Variants in SDHAF3 observed in about 807,000 individuals in gnomAD.
SDHAF3 encodes the protein succinate dehydrogenase complex assembly factor 3.
SDHAF3 carries 18 observed loss-of-function variants against 11.5 expected under a neutral mutation model. The observed-to-expected ratio is 1.56, with a 90% confidence interval of 1.08 to 2.32. The LOEUF is 2.32. Among genes scored for constraint, SDHAF3 ranks in the 30% most tolerant of loss-of-function variants. SDHAF3 has a pLI of 0.00. For synonymous variants in SDHAF3, 72 were observed against 59.3 expected (o/e 1.21, Z -0.99); for missense variants, 200 against 154.4 (o/e 1.30, Z -1.57).
At chr7:97,138,734 T>C (rs1423893672) in intron 1 of SDHAF3, among the ~76,000 whole-genome samples, 2 of 152,234 alleles carry the variant, frequency 1.3e-5, no homozygotes, top group African/African-American at 4.8e-5. Context: ...AGTTGTCCAG[T>C]GCCTTACACG....
intron 1 of SDHAF3, among the ~76,000 whole-genome samples, chr7:97,159,484 G>A (rs982792794): frequency 6.6e-6 from 1 of 152,116 alleles, no homozygotes; most frequent in African/African-American, 2.4e-5. Flanking sequence ...ACATATTTTT[G>A]TTGAAGTTTC....
intron 1 of SDHAF3, among the ~76,000 whole-genome samples, chr7:97,150,562 C>CTT (rs34184405): frequency 2.4e-4 from 25 of 104,736 alleles, no homozygotes; most frequent in African/African-American, 6.4e-4. Flanking sequence ...TCTTTTTTTC[C>CTT]TTTTTTTTTT....
intron 1 of SDHAF3, among the ~76,000 whole-genome samples, chr7:97,175,529 G>A (rs1359301576): frequency 6.6e-6 from 1 of 152,140 alleles, no homozygotes; most frequent in African/African-American, 2.4e-5. Flanking sequence ...AAACTAAGCA[G>A]TCCTCTTGCC....
At chr7:97,180,056 T>G (rs2115759631) in intron 1 of SDHAF3, among the ~76,000 whole-genome samples, 1 of 152,336 alleles carries the variant, frequency 6.6e-6, no homozygotes, top group South Asian at 2.1e-4. Context: ...TGAGTCTGTT[T>G]CAAAACAGTG....
intron 1 of SDHAF3, among the ~76,000 whole-genome samples, chr7:97,164,693 A>G (rs1371533675): frequency 6.6e-6 from 1 of 152,064 alleles, no homozygotes; most frequent in African/African-American, 2.4e-5. Flanking sequence ...GTTCTTTTAT[A>G]TAGCTATGAC....
rs1308356500 is a variant in SDHAF3 at position 97,153,851 on chromosome 7, C to CA, written c.175-27160dup. On this transcript the variant is annotated intron_variant, in intron 1 of 1. Transcript: ENST00000432641. ...ATCCTTGCCAGCATTTTGGTGGTCT[C>CA]AGTGTTTTGGATGTTGGCTGTTTTA... 7.0e-4 allele frequency among the ~76,000 whole-genome samples: 107 copies of CA among 152,226 alleles called. 1 individual carries two copies. The highest frequency in any genetic ancestry group is 2.5e-3 in the African/African-American group (104 of 41,534).
At chr7:97,125,121 C>T (rs1234417450) in intron 1 of SDHAF3, among the ~76,000 whole-genome samples, 2 of 151,898 alleles carry the variant, frequency 1.3e-5, no homozygotes, top group Non-Finnish European at 2.9e-5. Context: ...TGATTCTTCT[C>T]TCTTTTCTTC....
intron 1 of SDHAF3, chr7:97,135,058 ACTC>A (rs1039244438): frequency 1.5e-5 from 2 of 135,296 alleles, no homozygotes; most frequent in African/African-American, 2.8e-5. Flanking sequence ...TGTTCATCCT[ACTC>A]CTCTTTTTTT....
At chr7:97,134,235 T>C (rs1477650294) in intron 1 of SDHAF3, among the ~76,000 whole-genome samples, 3 of 152,354 alleles carry the variant, frequency 2.0e-5, no homozygotes, top group Admixed American at 2.0e-4. Context: ...GCCTTGAATG[T>C]GGCCCCTCCC....
intron 1 of SDHAF3, among the ~76,000 whole-genome samples, chr7:97,149,796 C>T (rs1789190435): frequency 6.6e-6 from 1 of 152,088 alleles, no homozygotes; most frequent in South Asian, 2.1e-4. Flanking sequence ...AAAATAAGAC[C>T]ACAATAAAGT....
chr7:97,118,149 G>A (rs1791437516), intron 1 of SDHAF3, among the ~76,000 whole-genome samples: 1 of 152,098 alleles, frequency 6.6e-6, no homozygotes, highest in Admixed American at 6.5e-5. Context: ...CAAAGGGTGA[G>A]GGTAGGAGGT....
chr7:97,139,361 A>T (rs762701709), intron 1 of SDHAF3, among the ~76,000 whole-genome samples: 2 of 152,144 alleles, frequency 1.3e-5, no homozygotes, highest in Non-Finnish European at 2.9e-5. Context: ...TGGGGCTTTT[A>T]TGGGCTCAGA....
chr7:97,173,140 T>A (rs1418835328), intron 1 of SDHAF3, among the ~76,000 whole-genome samples: 1 of 152,224 alleles, frequency 6.6e-6, no homozygotes, highest in African/African-American at 2.4e-5. Flanking sequence ...GTGGCAATGC[T>A]TGCCTGCTTC....
At chr7:97,119,650 T>C (rs1273288983) in intron 1 of SDHAF3, among the ~76,000 whole-genome samples, 1 of 152,320 alleles carries the variant, frequency 6.6e-6, no homozygotes, top group South Asian at 2.1e-4. Flanking sequence ...CTTTCACTAA[T>C]GTCCTTATTC....
At chr7:97,133,063 G>A (rs1791694117) in intron 1 of SDHAF3, among the ~76,000 whole-genome samples, 1 of 152,024 alleles carries the variant, frequency 6.6e-6, no homozygotes, top group Admixed American at 6.6e-5. Flanking sequence ...TACTTCCAGG[G>A]GAAACCTTTT....
At chr7:97,137,145 A>T (rs1336305744) in intron 1 of SDHAF3, among the ~76,000 whole-genome samples, 2 of 152,262 alleles carry the variant, frequency 1.3e-5, no homozygotes, top group African/African-American at 2.4e-5. Flanking sequence ...ACTTGTCCAC[A>T]TCTCTCACAT....
intron 1 of SDHAF3, chr7:97,142,764 C>T (rs1374300500): frequency 2.0e-5 from 3 of 152,020 alleles, no homozygotes; most frequent in African/African-American, 4.8e-5. Context: ...AGAGCCATAA[C>T]TGCTGAGTCT....
At chr7:97,167,405 A>C (rs1162909796) in intron 1 of SDHAF3, among the ~76,000 whole-genome samples, 1 of 152,188 alleles carries the variant, frequency 6.6e-6, no homozygotes, top group Non-Finnish European at 1.5e-5. Context: ...TGTGAGTCAA[A>C]GAAACCTCTT....
intron 1 of SDHAF3, among the ~76,000 whole-genome samples, chr7:97,176,023 A>C (rs1226097484): frequency 6.6e-6 from 1 of 152,114 alleles, no homozygotes; most frequent in Non-Finnish European, 1.5e-5. Context: ...TCTTCATATC[A>C]CATTCTCCTC....
Sources: allele counts gnomAD v4.1 joint callset (sites outside exome capture counted in the v4.1 genomes callset), GRCh38; gene constraint gnomAD v4.1.1; transcripts MANE v1.5; gene names NCBI Gene and HGNC (gene_info 2026-07-23, HGNC 2026-07-21).